KIF2A: variants seen among roughly 807,000 people sequenced by gnomAD.
KIF2A encodes the protein kinesin-like protein KIF2A.
In KIF2A, 22 loss-of-function variants were observed where a neutral mutation model predicts 100.2. The observed-to-expected ratio is 0.22, with a 90% confidence interval of 0.16 to 0.31. The LOEUF is 0.31. Among genes scored for constraint, KIF2A ranks in the 10% least tolerant of loss-of-function variants. The pLI is 1.00. For synonymous variants in KIF2A, 268 were observed against 285.9 expected, an observed-to-expected ratio of 0.94 and a Z score of 0.63; for missense variants, 495 against 898.7, an observed-to-expected ratio of 0.55 and a Z score of 5.74.
intron 1 of KIF2A, among the ~76,000 whole-genome samples, chr5:62,326,827 C>T (rs1251831476): frequency 1.3e-5 from 2 of 152,220 alleles, no homozygotes; most frequent in East Asian, 3.9e-4. Context: ...GAAACTCCCT[C>T]TTTACAAAAA....
At chr5:62,344,757 C>T (rs1747472367) in intron 1 of KIF2A, among the ~76,000 whole-genome samples, 1 of 152,074 alleles carries the variant, frequency 6.6e-6, no homozygotes, top group Non-Finnish European at 1.5e-5. Flanking sequence ...TTATGGAATG[C>T]TTTGTGGTTA....
At chr5:62,346,506 G>A (rs933296949) in intron 1 of KIF2A, among the ~76,000 whole-genome samples, 8 of 126,350 alleles carry the variant, frequency 6.3e-5, no homozygotes, top group East Asian at 6.2e-4. Context: ...TTGGGAGCCC[G>A]AGGTGGGTGG....
intron 1 of KIF2A, among the ~76,000 whole-genome samples, chr5:62,320,976 CT>C (rs1275587002): frequency 5.3e-5 from 8 of 152,112 alleles, no homozygotes; most frequent in African/African-American, 1.9e-4. Flanking sequence ...CATTAATCAA[CT>C]TTTTATCTTT....
At chr5:62,347,519 T>C (rs1747632662) in intron 2 of KIF2A, among the ~76,000 whole-genome samples, 1 of 152,194 alleles carries the variant, frequency 6.6e-6, no homozygotes, top group Non-Finnish European at 1.5e-5. Context: ...GTCACTGTGT[T>C]GTTAGCAATT....
chr5:62,353,030 T>C, intron 5 of KIF2A: 1 of 419,442 alleles, frequency 2.4e-6, no homozygotes, highest in Non-Finnish European at 4.2e-6. Context: ...AAAGTCTGTG[T>C]TTCTAAACCA....
intron 1 of KIF2A, among the ~76,000 whole-genome samples, chr5:62,318,782 CT>C (rs1745959698): frequency 6.6e-6 from 1 of 152,162 alleles, no homozygotes; most frequent in Non-Finnish European, 1.5e-5. Flanking sequence ...AAATGCTTCT[CT>C]TTAGCCCACA....
In KIF2A at chr5:62,306,487, C is replaced by G. The variant is rs1196272138; in HGVS notation, c.15C>G (p.Asn5Lys). 1 of 1,545,800 alleles carries G rather than the reference C, an allele frequency of 6.5e-7. No homozygotes were observed. Among genetic ancestry groups the G allele is most frequent in the Non-Finnish European group, 8.7e-7 (1 of 1,144,856 alleles). The change falls in exon 1 of 21, where the codon AAC (asparagine) becomes AAG (lysine). Residue 5 changes from asparagine to lysine, a missense_variant. Transcript: ENST00000407818. ...CAGATGAGGTGATGGCAACGGCCAA[C>G]TTCGGCAAGATCCAGATCGGGATTT... is the stretch of plus-strand genomic sequence containing the variant. MATA[N>K]FGKIQIGIYV...
At position 62,385,807 on chromosome 5, in the gene KIF2A, GT is replaced by G; in HGVS notation, c.*239del. The G allele has an allele frequency of 2.1e-6, 1 of 476,396 alleles. No homozygotes were observed. 29.5% of individuals were successfully genotyped at this position (476,396 alleles called of 1,614,324 possible). ...GCATTTTGTTTCATTTACACAAATA[GT>G]GATTTACTTTTGGAGATCCTTGTCA... On this transcript the variant is annotated 3_prime_UTR_variant, in exon 21 of 21. Coordinates refer to ENST00000407818, the MANE Select transcript of KIF2A (RefSeq NM_001098511.3).
intron 9 of KIF2A, among the ~76,000 whole-genome samples, chr5:62,360,628 T>C (rs563488713): frequency 1.1e-3 from 166 of 151,762 alleles, no homozygotes; most frequent in Non-Finnish European, 1.0e-3. Flanking sequence ...GAGGTTGCAG[T>C]GAGCTGAGAT....
intron 3 of KIF2A, 47 bp from the exon 4 acceptor site, chr5:62,350,019 G>C: frequency 8.1e-7 from 1 of 1,239,534 alleles, no homozygotes; most frequent in Non-Finnish European, 1.2e-6. Context: ...TGATACATAT[G>C]AGGGAGTAAA....
At chr5:62,333,809 T>G (rs1746776901) in intron 1 of KIF2A, among the ~76,000 whole-genome samples, 2 of 152,152 alleles carry the variant, frequency 1.3e-5, no homozygotes, top group South Asian at 4.1e-4. Context: ...GGACAAGCTC[T>G]GACTCTGCCC....
At chr5:62,349,979 CTTTTG>C in intron 3 of KIF2A, 82 bp from the exon 4 acceptor site, 1 of 799,986 alleles carries the variant, frequency 1.3e-6, no homozygotes, top group Non-Finnish European at 2.0e-6. Flanking sequence ...TGTCTGCCTA[CTTTTG>C]TTTAATTGAA....
chr5:62,311,440 T>C (rs1745548138), intron 1 of KIF2A, among the ~76,000 whole-genome samples: 1 of 152,238 alleles, frequency 6.6e-6, no homozygotes, highest in African/African-American at 2.4e-5. Flanking sequence ...CTTAGTTAAG[T>C]ATTGGTGTAA....
chr5:62,328,517 G>A (rs1746487297), intron 1 of KIF2A, among the ~76,000 whole-genome samples: 1 of 151,972 alleles, frequency 6.6e-6, no homozygotes, highest in African/African-American at 2.4e-5. Flanking sequence ...TTGAAATGGA[G>A]TTTTGCTCTC....
chr5:62,330,308 A>G (rs1252604962), intron 1 of KIF2A, among the ~76,000 whole-genome samples: 1 of 152,202 alleles, frequency 6.6e-6, no homozygotes, highest in Non-Finnish European at 1.5e-5. Context: ...CTAAGATTGC[A>G]CCATTCAACT....
Position 62,306,408 on chromosome 5 carries a change from C to CA in KIF2A, c.-65_-64insA. On this transcript the variant is annotated 5_prime_UTR_variant, in exon 1 of 21. Transcript: ENST00000407818. ...CCCCCTCCCACACCTACCCCGCCCCCTCCCCGCCTTTTCCGCCCTCCGGTC... is the reference window on the plus strand; with the variant it reads ...CCCCCTCCCACACCTACCCCGCCCCCATCCCCGCCTTTTCCGCCCTCCGGTC... 1 of 1,143,988 alleles carries CA rather than the reference C, an allele frequency of 8.7e-7. No homozygotes were observed. The highest frequency in any genetic ancestry group is 1.3e-6 in the Non-Finnish European group (1 of 786,870). 70.9% of individuals were successfully genotyped at this position (1,143,988 alleles called of 1,614,324 possible).
rs538828652 is a variant in KIF2A, at chr5:62,327,946, T to C, written c.65-19184T>C. 4.6e-5 allele frequency among the ~76,000 whole-genome samples: 7 copies of C among 152,326 alleles called. No individual in the cohort carries two copies. In the East Asian group the frequency reaches 7.7e-4, roughly 17 times the overall value. Reference sequence around the variant, plus strand: ...TGCATAAGAGAAGATGCTATGTACATGTAGCTGTGAAAAGTTCACAGAATA... The same window carrying C: ...TGCATAAGAGAAGATGCTATGTACACGTAGCTGTGAAAAGTTCACAGAATA... On this transcript the variant is annotated intron_variant, in intron 1 of 20. Transcript: ENST00000407818.
At chr5:62,326,531 T>C (rs1746387180) in intron 1 of KIF2A, among the ~76,000 whole-genome samples, 1 of 152,172 alleles carries the variant, frequency 6.6e-6, no homozygotes, top group Non-Finnish European at 1.5e-5. Context: ...ACACATTTTT[T>C]CTGTTCCTGT....
intron 1 of KIF2A, among the ~76,000 whole-genome samples, chr5:62,339,581 C>T (rs1278062210): frequency 1.5e-5 from 2 of 130,712 alleles, no homozygotes; most frequent in Admixed American, 7.9e-5. Context: ...TGTACCAGTA[C>T]ACATATGTAA....
Sources: gnomAD v4.1 joint callset for allele counts (sites outside exome capture counted in the v4.1 genomes callset) on GRCh38, gnomAD v4.1.1 for gene constraint, MANE v1.5 for transcripts, NCBI Gene and HGNC (gene_info 2026-07-23, HGNC 2026-07-21) for gene names.